The following SPAG16 variants were observed in gnomAD, a reference collection of about 807,000 sequenced individuals.
SPAG16 encodes the protein sperm-associated antigen 16 protein.
SPAG16 carries 86 observed loss-of-function variants against 80.4 expected under a neutral mutation model. The ratio of observed to expected loss-of-function variants is 1.07; its 90% confidence interval spans 0.90 to 1.28. The LOEUF (loss-of-function observed/expected upper bound fraction) is 1.28. SPAG16 is among the 50% of genes most tolerant of loss of function. SPAG16 has a pLI of 0.00. For synonymous variants in SPAG16, 294 were observed against 265.9 expected (o/e 1.11, Z -1.03); for missense variants, 870 against 765.3 (o/e 1.14, Z -1.61).
intron 1 of SPAG16, chr2:213,285,924 C>G (rs962081154): frequency 7.8e-7 from 1 of 1,288,494 alleles, no homozygotes; most frequent in Non-Finnish European, 1.0e-6. Context: ...GAATGGTAAC[C>G]AGGCATCTTG....
intron 11 of SPAG16, among the ~76,000 whole-genome samples, chr2:213,902,679 G>T (rs774989042): frequency 6.6e-6 from 1 of 152,084 alleles, no homozygotes; most frequent in African/African-American, 2.4e-5. Context: ...CAAATCTCAC[G>T]TCCTCACATT....
At chr2:213,447,229 T>C (rs1374388459) in intron 9 of SPAG16, among the ~76,000 whole-genome samples, 1 of 152,200 alleles carries the variant, frequency 6.6e-6, no homozygotes, top group Non-Finnish European at 1.5e-5. Context: ...AGGATCATCA[T>C]CCTACTTTGC....
chr2:213,659,184 TTTG>T (rs1405254709), intron 10 of SPAG16, among the ~76,000 whole-genome samples: 1 of 152,182 alleles, frequency 6.6e-6, no homozygotes, highest in Non-Finnish European at 1.5e-5. Context: ...GCCACATTTC[TTTG>T]TTGTGTTATA....
intron 10 of SPAG16, among the ~76,000 whole-genome samples, chr2:213,697,478 T>C (rs1380626222): frequency 2.0e-5 from 3 of 152,162 alleles, no homozygotes; most frequent in African/African-American, 7.2e-5. Context: ...AATGTTACCT[T>C]ATATGACAAA....
At chr2:213,301,948 C>T (rs2062756964) in intron 3 of SPAG16, among the ~76,000 whole-genome samples, 1 of 152,122 alleles carries the variant, frequency 6.6e-6, no homozygotes, top group Non-Finnish European at 1.5e-5. Context: ...TAATAGTCTC[C>T]TTAACATAGC....
chr2:214,400,511 T>C (rs1431035478), intron 15 of SPAG16, among the ~76,000 whole-genome samples: 2 of 152,046 alleles, frequency 1.3e-5, no homozygotes, highest in Admixed American at 1.3e-4. Flanking sequence ...ATAGGTTATA[T>C]GCAAAAACTC....
chr2:213,734,860 T>C (rs1389372094), intron 10 of SPAG16, among the ~76,000 whole-genome samples: 1 of 152,190 alleles, frequency 6.6e-6, no homozygotes, highest in African/African-American at 2.4e-5. Flanking sequence ...TAAAATAAAA[T>C]GATGGCTTTG....
At chr2:213,768,957 G>C (rs1460284936) in intron 10 of SPAG16, among the ~76,000 whole-genome samples, 4 of 152,082 alleles carry the variant, frequency 2.6e-5, no homozygotes, top group Non-Finnish European at 5.9e-5. Flanking sequence ...AGAGGTAAGA[G>C]GGAAACCAGA....
At chr2:213,701,201 C>T (rs1434599165) in intron 10 of SPAG16, among the ~76,000 whole-genome samples, 3 of 151,988 alleles carry the variant, frequency 2.0e-5, no homozygotes, top group East Asian at 3.9e-4. Flanking sequence ...GATTGTGCTA[C>T]AGCACTCCAA....
intron 10 of SPAG16, among the ~76,000 whole-genome samples, chr2:213,832,022 G>A (rs1451558712): frequency 1.3e-5 from 2 of 151,500 alleles, no homozygotes; most frequent in Non-Finnish European, 1.5e-5. Context: ...ATTTTTTTGA[G>A]CACTCACTCT....
chr2:213,433,138 T>C (rs1003626105), intron 9 of SPAG16, among the ~76,000 whole-genome samples: 1 of 152,172 alleles, frequency 6.6e-6, no homozygotes, highest in African/African-American at 2.4e-5. Flanking sequence ...GACAAATCCA[T>C]GACCAACATC....
At chr2:213,789,019 TTTCTC>T (rs1266314374) in intron 10 of SPAG16, among the ~76,000 whole-genome samples, 1 of 151,958 alleles carries the variant, frequency 6.6e-6, no homozygotes, top group Non-Finnish European at 1.5e-5. Flanking sequence ...TTTTTCCTGT[TTTCTC>T]TGTCACTGAA....
At chr2:214,088,458 G>T (rs1003046885) in intron 13 of SPAG16, among the ~76,000 whole-genome samples, 1 of 151,924 alleles carries the variant, frequency 6.6e-6, no homozygotes, top group Non-Finnish European at 1.5e-5. Flanking sequence ...ATTCTAGAAG[G>T]ACATTTTAAT....
Position 213,518,353 on chromosome 2 carries a change from A to C in SPAG16, c.1070+28263A>C, listed in dbSNP as rs113639910. Among the ~76,000 whole-genome samples the C allele has an allele frequency of 7.9e-4, 120 of 152,320 alleles. 2 individuals are homozygous for C. The highest frequency in any genetic ancestry group is 3.4e-3 in the Middle Eastern group (1 of 294). On this transcript the variant is annotated intron_variant, in intron 10 of 15. Transcript: ENST00000331683. ...CATGATCATCGCTTACTGCAACCGC[A>C]AAGTCCTGGGCTCAAGGGATCCTCT...
At chr2:213,936,690 A>G (rs2079003169) in intron 12 of SPAG16, among the ~76,000 whole-genome samples, 1 of 152,232 alleles carries the variant, frequency 6.6e-6, no homozygotes, top group South Asian at 2.1e-4. Context: ...GCAAAGGCTC[A>G]TTCTCCTTAT....
intron 10 of SPAG16, among the ~76,000 whole-genome samples, chr2:213,578,603 A>T (rs942642920): frequency 2.6e-5 from 4 of 152,148 alleles, no homozygotes; most frequent in African/African-American, 7.2e-5. Context: ...GTTTAAATTG[A>T]AAATGCTACT....
chr2:213,348,205 C>T (rs543403247), intron 6 of SPAG16, among the ~76,000 whole-genome samples: 1 of 152,226 alleles, frequency 6.6e-6, no homozygotes, highest in Admixed American at 6.5e-5. Context: ...AGGATTGCAA[C>T]CCCTGCTTTT....
intron 10 of SPAG16, among the ~76,000 whole-genome samples, chr2:213,826,067 T>C (rs191473055): frequency 6.6e-6 from 1 of 152,130 alleles, no homozygotes; most frequent in Non-Finnish European, 1.5e-5. Flanking sequence ...TATCCTGTAA[T>C]AATCCTTTTA....
intron 4 of SPAG16, among the ~76,000 whole-genome samples, chr2:213,316,101 A>C (rs1248430393): frequency 1.3e-5 from 2 of 151,952 alleles, no homozygotes; most frequent in South Asian, 2.1e-4. Context: ...TGTATACTCA[A>C]CGTTTGTCTT....
Sources: gnomAD v4.1 joint callset for allele counts (sites outside exome capture counted in the v4.1 genomes callset) on GRCh38, gnomAD v4.1.1 for gene constraint, MANE v1.5 for transcripts, NCBI Gene and HGNC (gene_info 2026-07-23, HGNC 2026-07-21) for gene names.